The following RSPH10B variants were observed in gnomAD, a reference collection of about 807,000 sequenced individuals.
The protein encoded by RSPH10B is radial spoke head 10 homolog B, also known as radial spoke head 10 homolog B (Chlamydomonas).
RSPH10B carries 7 observed loss-of-function variants against 52.5 expected under a neutral mutation model. The ratio of observed to expected loss-of-function variants is 0.13; its 90% CI spans 0.08 to 0.25. The LOEUF is 0.25. RSPH10B is among the 10% of genes least tolerant of loss of function. The pLI is 1.00. For synonymous variants in RSPH10B, 28 were observed against 193.2 expected (o/e 0.14, Z 7.09); for missense variants, 89 against 542.5 (o/e 0.16, Z 8.30).
At chr7:5,945,222 C>G in intron 10 of RSPH10B, 44 bp from the exon 13 acceptor site, 2 of 477,946 alleles carry the variant, frequency 4.2e-6, no homozygotes, top group Non-Finnish European at 7.7e-6. Flanking sequence ...TTTGCTAGAA[C>G]CTTCCATTTT....
At chr7:5,957,757 G>T in intron 6 of RSPH10B, 150 bp downstream of exon 8, 1 of 650,786 alleles carries the variant, frequency 1.5e-6, no homozygotes, top group Non-Finnish European at 2.4e-6. Context: ...GATTGCGCCA[G>T]TGCACTCCAG....
At position 5,961,378 on chromosome 7, in the gene RSPH10B, C is replaced by T. The variant is rs557925945; in HGVS notation, c.400-514G>A. Reference sequence around the variant, plus strand: ...TTTTTGAGACAGAGTCTCACTCTGTCGCCCAGGCTGTAGTGCAATGGCGCC... The same window carrying T: ...TTTTTGAGACAGAGTCTCACTCTGTTGCCCAGGCTGTAGTGCAATGGCGCC... On this transcript the variant is annotated intron_variant, in intron 3 of 18. Coordinates refer to ENST00000337579, the Ensembl canonical transcript of RSPH10B. Among the ~76,000 whole-genome samples the T allele has an allele frequency of 4.9e-3, 707 of 144,042 alleles. 31 individuals carry two copies. Among genetic ancestry groups the T allele is most frequent in the South Asian group, 0.014 (66 of 4,650 alleles). The allele number at this position is 144,042 out of a possible 152,430, so 94.5% of individuals were successfully genotyped here. A position where few individuals can be genotyped will look rare whatever the true frequency, so the allele number is the denominator to read the frequency against.
At position 5,927,025 on chromosome 7, in the gene RSPH10B, GTGTGTGTGTGTGTGTGTGTGTATTA is replaced by G. The variant is rs1280298203; in HGVS notation, c.2433-502_2433-478del. On this transcript the variant is annotated intron_variant, in intron 18 of 18. Transcript: ENST00000337579. ...CCACCTCGGCCTCCCAAAGTTACGT[GTGTGTGTGTGTGTGTGTGTGTATTA>G]TGTGTGTGTGTGTGTGTATATGTGT... 4.1e-3 allele frequency among the ~76,000 whole-genome samples: 83 copies of G among 20,162 alleles called. 1 individual carries two copies. The highest frequency in any genetic ancestry group is 0.037 in the East Asian group (8 of 214). 13.2% of individuals were successfully genotyped at this position (20,162 alleles called of 152,430 possible).
intron 13 of RSPH10B, among the ~76,000 whole-genome samples, chr7:5,942,478 C>T (rs1780245895): frequency 7.5e-6 from 1 of 133,544 alleles, no homozygotes; most frequent in African/African-American, 2.8e-5. Flanking sequence ...GATCCTCCTG[C>T]CTCGGCCTCC....
intron 17 of RSPH10B, among the ~76,000 whole-genome samples, chr7:5,931,227 C>G (rs1354930330): frequency 6.8e-6 from 1 of 147,682 alleles, no homozygotes; most frequent in Non-Finnish European, 1.5e-5. Flanking sequence ...CCACCATGCC[C>G]GGCCAAGAGA....
intron 17 of RSPH10B, among the ~76,000 whole-genome samples, chr7:5,931,315 C>A (rs1189182553): frequency 6.6e-6 from 1 of 150,946 alleles, no homozygotes; most frequent in African/African-American, 2.4e-5. Context: ...TAACGGGAAA[C>A]GACAGGCACT....
chr7:5,968,194 C>A (rs796620910), upstream of RSPH10B, among the ~76,000 whole-genome samples: 2 of 152,004 alleles, frequency 1.3e-5, no homozygotes, highest in Middle Eastern at 3.4e-3. Flanking sequence ...ATTGAGACCA[C>A]CCTGGCTAAC....
Position 5,930,770 on chromosome 7 carries a change from A to G in RSPH10B, c.2233+2012T>C. On this transcript the variant is annotated intron_variant, in intron 17 of 18. Transcript: ENST00000337579. ...TCCTGGAGAAGGTGAGCACGTACAC[A>G]GCCCCCCAAGATACCTAGCAGCAAA... Among the ~76,000 whole-genome samples, 2 of 26,576 alleles carry G rather than the reference A, an allele frequency of 7.5e-5. 1 individual carries two copies. The highest frequency in any genetic ancestry group is 1.4e-4 in the Non-Finnish European group (2 of 14,568). 17.4% of individuals were successfully genotyped at this position (26,576 alleles called of 152,430 possible). A position where few individuals can be genotyped will look rare whatever the true frequency, so the allele number is the denominator to read the frequency against.
chr7:5,926,980 C>T lies in RSPH10B; in HGVS notation c.2433-432G>A, dbSNP rs1242871040. Among the ~76,000 whole-genome samples the T allele has an allele frequency of 2.6e-5, 4 of 151,232 alleles. No individual in the cohort carries two copies. The South Asian group carries it at 8.3e-4, about 31-fold the overall frequency. Reference sequence around the variant, plus strand: ...AGGTTGGCCAGGCTGGTCTCAAACTCCTGACCTCAGGTGATCCACCCACCT... The same window carrying T: ...AGGTTGGCCAGGCTGGTCTCAAACTTCTGACCTCAGGTGATCCACCCACCT... On this transcript the variant is annotated intron_variant, in intron 18 of 18. Transcript: ENST00000337579.
intron 13 of RSPH10B, among the ~76,000 whole-genome samples, chr7:5,942,752 C>T (rs1327621617): frequency 6.6e-6 from 1 of 150,808 alleles, no homozygotes; most frequent in East Asian, 1.9e-4. Flanking sequence ...ATCCCAGCTA[C>T]TCTGGAGGCT....
Position 5,943,365 on chromosome 7 carries a change from C to T in RSPH10B, c.1717G>A (p.Glu573Lys), listed in dbSNP as rs141993275. 3.0e-3 allele frequency: 4,808 copies of T among 1,596,918 alleles called. 54 individuals are homozygous for T. Among genetic ancestry groups the T allele is most frequent in the Non-Finnish European group, 3.0e-3 (3,494 of 1,169,862 alleles). ...AAGTGTCTCATCTTCATCGTAGGCT[C>T]GTGGGGAGGCGCTGCACTGGGTCTG... The change falls in exon 13 of 19, where the codon GAG becomes AAG. Residue 573 changes from glutamate to lysine, a missense_variant. Transcript: ENST00000337579.
intron 7 of RSPH10B, among the ~76,000 whole-genome samples, chr7:5,955,025 C>T (rs1429793174): frequency 8.5e-5 from 9 of 106,460 alleles, no homozygotes; most frequent in Non-Finnish European, 1.5e-4. Context: ...AAGAGCCGGG[C>T]GTGGTGGCGC....
chr7:5,943,342 G>A, exon 13 of RSPH10B: 8 of 1,570,946 alleles, frequency 5.1e-6, no homozygotes, highest in Non-Finnish European at 6.9e-6. Flanking sequence ...TCCAGAGGAA[G>A]TGTCTCATCT....
chr7:5,966,043 G>A (rs1221068618), intron 1 of RSPH10B, among the ~76,000 whole-genome samples: 2 of 68,324 alleles, frequency 2.9e-5, no homozygotes, highest in Non-Finnish European at 5.7e-5. Context: ...TGATTCTCCC[G>A]CCTCAGCCTC....
At chr7:5,926,884 AGCTG>A (rs1779453015) in intron 18 of RSPH10B, among the ~76,000 whole-genome samples, 1 of 140,442 alleles carries the variant, frequency 7.1e-6, no homozygotes, top group Non-Finnish European at 1.6e-5. Flanking sequence ...CCTCCTGAAT[AGCTG>A]GGATTATAGG....
intron 17 of RSPH10B, among the ~76,000 whole-genome samples, chr7:5,928,932 T>G (rs1779675214): frequency 6.7e-6 from 1 of 148,438 alleles, no homozygotes; most frequent in Non-Finnish European, 1.5e-5. Context: ...AGCCACCTCT[T>G]TTTTTTCTAT....
chr7:5,944,682 G>T (rs1249364301), intron 11 of RSPH10B, among the ~76,000 whole-genome samples: 2 of 146,498 alleles, frequency 1.4e-5, no homozygotes, highest in Non-Finnish European at 3.0e-5. Context: ...GCTGAGGCTG[G>T]GCATGGTGGC....
intron 17 of RSPH10B, among the ~76,000 whole-genome samples, chr7:5,928,845 C>T (rs1408072359): frequency 6.0e-5 from 9 of 149,218 alleles, no homozygotes; most frequent in Non-Finnish European, 7.4e-5. Context: ...AGGCTGGTCT[C>T]GAACTCTTAA....
At chr7:5,939,597 C>CACAA (rs1372909226) in intron 13 of RSPH10B, among the ~76,000 whole-genome samples, 1 of 67,500 alleles carries the variant, frequency 1.5e-5, no homozygotes, top group African/African-American at 7.8e-5. Flanking sequence ...CACACACACA[C>CACAA]ACACACACAC....
Sources: allele counts gnomAD v4.1 joint callset (sites outside exome capture counted in the v4.1 genomes callset), GRCh38; gene constraint gnomAD v4.1.1; transcripts MANE v1.5; gene names NCBI Gene and HGNC (gene_info 2026-07-23, HGNC 2026-07-21).